SEPTIN2: variants seen among roughly 807,000 people sequenced by gnomAD.
The protein encoded by SEPTIN2 is septin 2, also known as septin-2.
Under a neutral mutation model 46.5 loss-of-function variants are expected in SEPTIN2, and 34 were observed. The ratio of observed to expected loss-of-function variants is 0.73; its 90% CI spans 0.56 to 0.97. The LOEUF is 0.97. Among genes scored for constraint, SEPTIN2 ranks in the 50% least tolerant of loss-of-function variants. The pLI is 0.00. For missense variants in SEPTIN2, 347 were observed against 448.4 expected (o/e 0.77, Z 2.04); for synonymous variants, 175 against 153.4 (o/e 1.14, Z -1.04).
chr2:241,322,491 C>T (rs2077277907), intron 1 of SEPTIN2, among the ~76,000 whole-genome samples: 1 of 151,752 alleles, frequency 6.6e-6, no homozygotes, highest in Non-Finnish European at 1.5e-5. Flanking sequence ...CCTGTAGTCC[C>T]AGCTACTCGG....
intron 9 of SEPTIN2, among the ~76,000 whole-genome samples, chr2:241,344,970 C>T (rs189765126): frequency 1.4e-3 from 212 of 151,466 alleles, no homozygotes; most frequent in African/African-American, 4.9e-3. Flanking sequence ...AAAAATTAGC[C>T]GAGTGTGGTG....
At position 241,326,123 on chromosome 2, in the gene SEPTIN2, T is replaced by TA. The variant is rs767022960; in HGVS notation, c.130+12dup. On this transcript the variant is annotated intron_variant, in intron 3 of 12. Transcript: ENST00000391971. The stretch of plus-strand genomic sequence containing the variant: ...ACACTGATGGTGGTCGGTAAGAAAT[T>TA]AATCTATAGTCTCCAACTTACTAAA... 5.0e-6 allele frequency: 8 copies of TA among 1,610,014 alleles called. No homozygotes were observed. The Admixed American group carries it at 1.3e-4, about 27-fold the overall frequency.
At chr2:241,343,691 T>C (rs752913444) in intron 8 of SEPTIN2, 61 bp from the exon 9 acceptor site, 9 of 1,591,242 alleles carry the variant, frequency 5.7e-6, no homozygotes, top group Non-Finnish European at 7.7e-6. Context: ...TGTTCTCGTG[T>C]TGCCAGTGAA....
At chr2:241,349,062 A>G (rs2060536320) in intron 11 of SEPTIN2, among the ~76,000 whole-genome samples, 1 of 152,182 alleles carries the variant, frequency 6.6e-6, no homozygotes, top group Admixed American at 6.5e-5. Flanking sequence ...AAGATGAATT[A>G]ACATTTACTA....
Position 241,324,147 on chromosome 2 carries a change from A to G in SEPTIN2, c.-17-69A>G, listed in dbSNP as rs1276357564. The G allele has an allele frequency of 3.5e-6, 5 of 1,438,780 alleles. No homozygotes were observed. The African/African-American group carries it at 5.7e-5, about 16-fold the overall frequency. The allele number at this position is 1,438,780 out of a possible 1,614,324, so 89.1% of individuals were successfully genotyped here. A position where few individuals can be genotyped will look rare whatever the true frequency, so the allele number is the denominator to read the frequency against. On this transcript the variant is annotated intron_variant, in intron 1 of 12. Transcript: ENST00000391971. ...TCTTCAGGTCAGTTCACGCTGTTAA[A>G]TATACGTGCGTATACATACATACTA...
At chr2:241,339,173 C>G (rs978338359) in intron 7 of SEPTIN2, among the ~76,000 whole-genome samples, 1 of 149,830 alleles carries the variant, frequency 6.7e-6, no homozygotes, top group African/African-American at 2.5e-5. Flanking sequence ...GCAGGCACAT[C>G]ACCAGAGGTC....
chr2:241,316,316 G>T, intron 1 of SEPTIN2: 1 of 506,744 alleles, frequency 2.0e-6, no homozygotes, highest in Non-Finnish European at 3.4e-6. Flanking sequence ...TGCGGTCGAG[G>T]TCGGGAGGTT....
At chr2:241,344,052 C>G (rs1425040125) in intron 9 of SEPTIN2, among the ~76,000 whole-genome samples, 155 bp downstream of exon 9, 13 of 152,180 alleles carry the variant, frequency 8.5e-5, no homozygotes. Context: ...GGGGCTGTTG[C>G]AGATTGGTGC....
At chr2:241,341,931 T>C (rs1263899411) in intron 7 of SEPTIN2, among the ~76,000 whole-genome samples, 1 of 152,180 alleles carries the variant, frequency 6.6e-6, no homozygotes, top group Non-Finnish European at 1.5e-5. Context: ...GGGTTTTAAT[T>C]GATTGACTGA....
chr2:241,338,271 TC>T (rs1358628041), intron 7 of SEPTIN2, among the ~76,000 whole-genome samples: 4 of 152,136 alleles, frequency 2.6e-5, no homozygotes, highest in African/African-American at 9.7e-5. Context: ...TAGTGCCTCT[TC>T]CGTGTATGTC....
At chr2:241,333,646 G>C (rs1370877866) in intron 3 of SEPTIN2, among the ~76,000 whole-genome samples, 1 of 151,456 alleles carries the variant, frequency 6.6e-6, no homozygotes, top group Admixed American at 6.6e-5. Context: ...TGGGACTACA[G>C]GCGCCCGCCA....
intron 9 of SEPTIN2, among the ~76,000 whole-genome samples, chr2:241,345,492 C>G (rs956693441): frequency 8.7e-4 from 132 of 152,280 alleles, no homozygotes; most frequent in African/African-American, 3.1e-3. Context: ...GTGAGCCACT[C>G]CTTGGCTATC....
At chr2:241,342,027 A>AT (rs2081318188) in intron 7 of SEPTIN2, among the ~76,000 whole-genome samples, 1 of 152,102 alleles carries the variant, frequency 6.6e-6, no homozygotes, top group Admixed American at 6.5e-5. Context: ...GATAGGTCCG[A>AT]TTGTGGGATT....
Position 241,346,242 on chromosome 2 carries a change from G to A in SEPTIN2, c.919G>A (p.Gly307Ser). 6.2e-7 allele frequency: 1 copy of A among 1,613,676 alleles called. No individual in the cohort carries two copies. The highest frequency in any genetic ancestry group is 2.2e-5 in the East Asian group (1 of 44,866). Residue 307 changes from glycine (G) to serine (S), a missense_variant, in exon 10 of 13, where the codon GGC becomes AGC. Physicochemically the swap from Gly to Ser is moderately conservative, Grantham distance 56. Transcript: ENST00000391971. The part of the protein sequence containing the change: ...ENFRSERLKR[G>S]GRKVENEDMN... ...CTTCCGTTCTGAGAGACTCAAGAGAGGCGGCAGGTCATCACACTGTGCCCC... is the reference window on the plus strand; with the variant it reads ...CTTCCGTTCTGAGAGACTCAAGAGAAGCGGCAGGTCATCACACTGTGCCCC...
intron 3 of SEPTIN2, among the ~76,000 whole-genome samples, chr2:241,334,794 A>G (rs1575262109): frequency 2.6e-5 from 4 of 152,200 alleles, no homozygotes; most frequent in Admixed American, 6.5e-5. Flanking sequence ...TTTGCATTCT[A>G]TTTGTCAAAA....
Position 241,352,799 on chromosome 2 carries a change from T to C in SEPTIN2, c.*862T>C, listed in dbSNP as rs1171218078. The C allele has an allele frequency of 6.6e-6, 1 of 152,252 alleles. No homozygotes were observed. The highest frequency in any genetic ancestry group is 1.5e-5 in the Non-Finnish European group (1 of 68,044). 9.4% of individuals were successfully genotyped at this position (152,252 alleles called of 1,614,324 possible). A position where few individuals can be genotyped will look rare whatever the true frequency, so the allele number is the denominator to read the frequency against. ...CAAAATGAGATTCAGTGAACTAATT[T>C]GGTTTTTACTCAACCAAATTAAAAA... On this transcript the variant is annotated 3_prime_UTR_variant, in exon 13 of 13. Coordinates refer to ENST00000391971, the MANE Select transcript of SEPTIN2 (RefSeq NM_004404.5).
intron 5 of SEPTIN2, 143 bp from the exon 6 acceptor site, chr2:241,337,239 C>A: frequency 1.3e-6 from 1 of 793,690 alleles, no homozygotes; most frequent in Non-Finnish European, 1.9e-6. Flanking sequence ...TTTGCCAAAT[C>A]TAAAAGTCAG....
At chr2:241,315,580 C>T (rs1397537405), upstream of SEPTIN2, 4 of 152,304 alleles carry the variant, frequency 2.6e-5, 1 homozygote, top group South Asian at 8.3e-4. Context: ...CTGTTCCACT[C>T]TTATAAGCAT....
Position 241,343,785 on chromosome 2 carries a change from C to T in SEPTIN2, c.730C>T (p.Gln244Ter). Residue 244 changes from glutamine to a stop codon, truncating the protein, a stop_gained, in exon 9 of 13, where the codon CAG becomes TAG. Coordinates refer to ENST00000391971, the MANE Select transcript of SEPTIN2 (RefSeq NM_004404.5). LOFTEE classifies it high-confidence loss of function. The part of the protein sequence containing the change: ...SIPFSVVGSN[Q>*]LIEAKGKKVR... ...CCCATTCTCTGTGGTTGGATCCAAT[C>T]AGTTGATTGAAGCCAAAGGAAAGAA... The T allele has an allele frequency of 6.2e-7, 1 of 1,614,116 alleles. No individual in the cohort carries two copies. Among genetic ancestry groups the T allele is most frequent in the Admixed American group, 1.7e-5 (1 of 60,020 alleles).
Sources: gnomAD v4.1 joint callset for allele counts (sites outside exome capture counted in the v4.1 genomes callset) on GRCh38, gnomAD v4.1.1 for gene constraint, MANE v1.5 for transcripts, NCBI Gene and HGNC (gene_info 2026-07-23, HGNC 2026-07-21) for gene names.